NEB: variants seen among roughly 807,000 people sequenced by gnomAD.
NEB encodes the protein nebulin, also known as nemaline myopathy type 2.
A neutral mutation model predicts 952.2 loss-of-function variants in NEB; 512 were observed. The observed-to-expected ratio is 0.54, with a 90% CI of 0.50 to 0.58. The LOEUF (loss-of-function observed/expected upper bound fraction) is 0.58. Ranked by LOEUF, NEB falls within the 20% of genes least tolerant of loss-of-function variation. The pLI is 0.00. For missense variants in NEB, 8,428 were observed against 9,231.1 expected (o/e 0.91, Z 3.56); for synonymous variants, 2,900 against 3,149.8 (o/e 0.92, Z 2.66).
intron 170 of NEB, 43 bp from the exon 171 acceptor site, chr2:151,497,761 AT>A (rs2061272966): frequency 6.4e-7 from 1 of 1,551,248 alleles, no homozygotes; most frequent in African/African-American, 1.4e-5. Flanking sequence ...CATGAGTAAC[AT>A]TTCATTTCTT....
Position 151,545,982 on chromosome 2 carries a change from G to A in NEB, c.20483C>T (p.Thr6828Ile). 2.8e-6 allele frequency: 4 copies of A among 1,423,788 alleles called. No individual in the cohort carries two copies. Among genetic ancestry groups the A allele is most frequent in the Non-Finnish European group, 3.9e-6 (4 of 1,018,946 alleles). The allele number at this position is 1,423,788 out of a possible 1,614,324, so 88.2% of individuals were successfully genotyped here. Residue 6828 changes from threonine to isoleucine, a missense_variant, in exon 135 of 182, where the codon ACT becomes ATT. Thr to Ile is a moderately conservative substitution (Grantham distance 89). Around this residue, in one of 11 missense-constraint regions of NEB, gnomAD observed 3,374 missense variants for 3,651.5 expected, o/e 0.92. Transcript: ENST00000397345. ...GTCTCGCATCTTCCTTGCCTTATCA[G>A]TGTATAGGTAATTAGACTTAAAAAA... ...LRKLWSNYLY[T>I]DKARKMRDKY...
chr2:151,511,387 T>C lies in NEB; in HGVS notation c.23346+1346A>G, dbSNP rs4384787. Among the ~76,000 whole-genome samples, 5 of 152,340 alleles carry C rather than the reference T, an allele frequency of 3.3e-5. No individual in the cohort carries two copies. In the South Asian group the frequency reaches 8.3e-4, roughly 25 times the overall value. On this transcript the variant is annotated intron_variant, in intron 161 of 181. Transcript: ENST00000397345. ...ATTTTTCATGTGTAATTTTACAATA[T>C]ACAACTATATGTTTCCAGTAAAGGG... is the stretch of plus-strand genomic sequence containing the variant.
chr2:151,497,672 G>C lies in NEB; in HGVS notation c.24254C>G (p.Thr8085Ser), dbSNP rs1297487988. The C allele has an allele frequency of 1.9e-6, 3 of 1,586,434 alleles. No homozygotes were observed. Among genetic ancestry groups the C allele is most frequent in the Admixed American group, 3.6e-5 (2 of 56,076 alleles). ...GTGTTTGACTCTTTCCATCTCGGGA[G>C]TGACAGGTAAAGGGGTTCCCTTGCC... ...NMGKGTPLPV[T>S]PEMERVKHNQ... Residue 8085 changes from threonine (T) to serine (S), a missense_variant, in exon 171 of 182, where the codon ACT becomes AGT. Coordinates refer to ENST00000397345, the MANE Select transcript of NEB (RefSeq NM_001164508.2).
intron 168 of NEB, among the ~76,000 whole-genome samples, chr2:151,499,721 G>A (rs963633493): frequency 2.4e-4 from 36 of 152,144 alleles, no homozygotes; most frequent in Admixed American, 2.0e-4. Flanking sequence ...AGTTAGATTA[G>A]CAAGTATTTA....
rs1489184584 is a variant in NEB at position 151,514,924 on chromosome 2, T to A, written c.22910A>T (p.Glu7637Val). The A allele has an allele frequency of 2.6e-6, 4 of 1,552,930 alleles. No homozygotes were observed. The South Asian group carries it at 4.7e-5, about 18-fold the overall frequency. Residue 7637 changes from glutamate (E) to valine (V), a missense_variant, in exon 158 of 182, where the codon GAA becomes GTA. Physicochemically the swap from Glu to Val is moderately radical, Grantham distance 121. Around this residue, in one of 11 missense-constraint regions of NEB, gnomAD observed 3,374 missense variants for 3,651.5 expected, o/e 0.92. Coordinates refer to ENST00000397345, the MANE Select transcript of NEB (RefSeq NM_001164508.2). ...KESQQMQSGK[E>V]YRKDYEESIK... ...GGACTCTTCATAATCTTTCCTATAT[T>A]CTTTCTAATGTAAGTAGGAAGGAAA...
At chr2:151,629,298 A>G (rs916906980) in intron 68 of NEB, among the ~76,000 whole-genome samples, 2 of 152,194 alleles carry the variant, frequency 1.3e-5, no homozygotes, top group Admixed American at 1.3e-4. Context: ...ATCACATCCA[A>G]TTTTATACTG....
At position 151,675,409 on chromosome 2, in the gene NEB, T is replaced by C. The variant is rs777446803; in HGVS notation, c.3775-18A>G. The C allele has an allele frequency of 1.2e-5, 18 of 1,478,572 alleles. No homozygotes were observed. The highest frequency in any genetic ancestry group is 1.6e-5 in the Non-Finnish European group (17 of 1,078,524). 91.6% of individuals were successfully genotyped at this position (1,478,572 alleles called of 1,614,324 possible). On this transcript the variant is annotated intron_variant, in intron 34 of 181. Coordinates refer to ENST00000397345, the MANE Select transcript of NEB (RefSeq NM_001164508.2). ...TATAAGATCTGCAATAAAATGCATTTCACATAGTGCAAAAAGGAAAATCTA... is the reference window on the plus strand; with the variant it reads ...TATAAGATCTGCAATAAAATGCATTCCACATAGTGCAAAAAGGAAAATCTA...
chr2:151,724,473 T>A, intron 7 of NEB, 109 bp from the exon 8 acceptor site: 3 of 794,138 alleles, frequency 3.8e-6, no homozygotes, highest in Non-Finnish European at 6.5e-6. Context: ...AGGTTGCCAA[T>A]GGGTTACTAG....
Position 151,709,730 on chromosome 2 carries a change from C to A in NEB, c.961G>T (p.Asp321Tyr). 1 of 1,605,046 alleles carries A rather than the reference C, an allele frequency of 6.2e-7. No homozygotes were observed. Among genetic ancestry groups the A allele is most frequent in the South Asian group, 1.1e-5 (1 of 89,174 alleles). ...TCGGTCTGCATGAAGTAGATCTGGT[C>A]TTTCATGTTTTCAAAATCTTCCTGG... ...KYQEDFENMKDQIYFMQTETP... is the reference protein window; with the variant it reads ...KYQEDFENMKYQIYFMQTETP... The change falls in exon 12 of 182, where the codon GAC becomes TAC. Residue 321 changes from aspartate to tyrosine, a missense_variant. By Grantham distance (160) the Asp-to-Tyr change is radical (BLOSUM62 -3). Coordinates refer to ENST00000397345, the MANE Select transcript of NEB (RefSeq NM_001164508.2).
intron 65 of NEB, among the ~76,000 whole-genome samples, chr2:151,632,104 T>C (rs1246501124): frequency 6.6e-6 from 1 of 152,118 alleles, no homozygotes; most frequent in Non-Finnish European, 1.5e-5. Context: ...GTCCTCAGGA[T>C]GGAAGCACAG....
intron 34 of NEB, among the ~76,000 whole-genome samples, chr2:151,676,921 T>C (rs2099364909): frequency 6.6e-6 from 1 of 152,208 alleles, no homozygotes; most frequent in Admixed American, 6.5e-5. Context: ...ATGGTAAATG[T>C]TCAAAAAGCA....
intron 135 of NEB, 75 bp downstream of exon 135, chr2:151,545,813 C>A: frequency 1.1e-6 from 1 of 883,224 alleles, no homozygotes; most frequent in South Asian, 1.7e-5. Flanking sequence ...ACTAGAGGAA[C>A]TAAGAGCCTT....
intron 60 of NEB, among the ~76,000 whole-genome samples, chr2:151,642,264 C>T (rs1574882859): frequency 1.3e-5 from 2 of 152,226 alleles, no homozygotes; most frequent in East Asian, 3.9e-4. Flanking sequence ...ACAATAAGCT[C>T]AATTGTATAT....
chr2:151,707,082 A>T (rs1002882315), intron 12 of NEB, 85 bp from the exon 13 acceptor site: 7 of 814,300 alleles, frequency 8.6e-6, no homozygotes, highest in Non-Finnish European at 1.3e-5. Context: ...TACTTCCACA[A>T]ATCAATTTTC....
At chr2:151,638,963 C>T (rs1162145458) in intron 63 of NEB, among the ~76,000 whole-genome samples, 1 of 152,026 alleles carries the variant, frequency 6.6e-6, no homozygotes. Context: ...TACAGTTATG[C>T]TTTAGCATAA....
chr2:151,673,732 CTTTTTTTT>C (rs10716811), intron 36 of NEB, among the ~76,000 whole-genome samples: 1 of 92,846 alleles, frequency 1.1e-5, no homozygotes, highest in Non-Finnish European at 2.4e-5. Flanking sequence ...TTTTCTTTTT[CTTTTTTTT>C]TTTTTTTTTT....
chr2:151,576,340 A>G lies in NEB; in HGVS notation c.16719T>C (p.Ala5573=), dbSNP rs2153808873. The stretch of plus-strand genomic sequence containing the variant: ...CAATGCCACGCAACCACTCCAAGTC[A>G]GCCTTGTAGAGGGCCTGAAAAAGAA... ...YDLQSDALYK[A]DLEWLRGIGW... Residue 5573 remains alanine, a synonymous_variant, in exon 106 of 182, where the codon GCT becomes GCC. Coordinates refer to ENST00000397345, the MANE Select transcript of NEB (RefSeq NM_001164508.2). The G allele has an allele frequency of 6.3e-7, 1 of 1,595,790 alleles. No homozygotes were observed. Among genetic ancestry groups the G allele is most frequent in the South Asian group, 1.1e-5 (1 of 88,170 alleles).
chr2:151,545,807 G>A (rs1032799717), intron 135 of NEB, 81 bp downstream of exon 135: 3 of 813,712 alleles, frequency 3.7e-6, no homozygotes, highest in Non-Finnish European at 5.9e-6. Flanking sequence ...GCGATCACTA[G>A]AGGAACTAAG....
At chr2:151,698,855 G>A (rs1247093945) in intron 13 of NEB, among the ~76,000 whole-genome samples, 1 of 151,226 alleles carries the variant, frequency 6.6e-6, no homozygotes, top group Non-Finnish European at 1.5e-5. Flanking sequence ...AGCCAGGATG[G>A]TCTCCATCTC....
Sources: allele counts gnomAD v4.1 joint callset (sites outside exome capture counted in the v4.1 genomes callset), GRCh38; gene constraint gnomAD v4.1.1; regional missense constraint gnomAD v4.1.1; transcripts MANE v1.5; gene names NCBI Gene and HGNC (gene_info 2026-07-23, HGNC 2026-07-21).